Variants in PLPP7 observed in about 807,000 individuals in gnomAD.
PLPP7 encodes phospholipid phosphatase 7 (inactive).
PLPP7 carries 11 observed loss-of-function variants against 16.9 expected under a neutral mutation model. That is an observed-to-expected ratio of 0.65 (90% CI 0.41 to 1.08). The LOEUF is 1.08. Ranked by LOEUF, PLPP7 falls within the 50% of genes least tolerant of loss-of-function variation. The pLI is 0.00. For missense variants in PLPP7, 358 were observed against 397.1 expected (o/e 0.90, Z 0.84); for synonymous variants, 174 against 175.1 (o/e 0.99, Z 0.05).
At chr9:131,300,495 G>A (rs1835785476) in intron 1 of PLPP7, among the ~76,000 whole-genome samples, 2 of 151,784 alleles carry the variant, frequency 1.3e-5, no homozygotes, top group African/African-American at 4.8e-5. Context: ...GACCAGCTTG[G>A]GCAACAAACT....
chr9:131,297,578 G>T (rs1246219973), intron 1 of PLPP7, among the ~76,000 whole-genome samples: 1 of 152,022 alleles, frequency 6.6e-6, no homozygotes, highest in Non-Finnish European at 1.5e-5. Context: ...TAGAGACGGG[G>T]TTTCACCATG....
At chr9:131,301,381 G>A (rs1835796507) in intron 1 of PLPP7, among the ~76,000 whole-genome samples, 1 of 152,170 alleles carries the variant, frequency 6.6e-6, no homozygotes, top group South Asian at 2.1e-4. Context: ...TCATATTTCA[G>A]CCTACCATGG....
intron 1 of PLPP7, among the ~76,000 whole-genome samples, chr9:131,294,655 G>T (rs1029289526): frequency 1.0e-4 from 15 of 143,338 alleles, no homozygotes; most frequent in African/African-American, 4.3e-4. Flanking sequence ...GTATCTTTTT[G>T]TTTGTTTGTT....
At chr9:131,297,415 T>C (rs1305333660) in intron 1 of PLPP7, among the ~76,000 whole-genome samples, 1 of 151,656 alleles carries the variant, frequency 6.6e-6, no homozygotes, top group East Asian at 1.9e-4. Context: ...GAAGAGAGTC[T>C]TGCTCTGTCA....
chr9:131,293,763 G>C (rs898664067), intron 1 of PLPP7, among the ~76,000 whole-genome samples: 1 of 152,012 alleles, frequency 6.6e-6, no homozygotes, highest in Non-Finnish European at 1.5e-5. Flanking sequence ...GGGGCTGAGG[G>C]GGATGTGGCA....
intron 1 of PLPP7, among the ~76,000 whole-genome samples, chr9:131,293,153 C>G (rs900057580): frequency 6.6e-6 from 1 of 152,176 alleles, no homozygotes; most frequent in African/African-American, 2.4e-5. Flanking sequence ...GCCCACCATA[C>G]AGCTATAAGC....
intron 1 of PLPP7, among the ~76,000 whole-genome samples, chr9:131,294,775 A>G (rs559431445): frequency 6.6e-6 from 1 of 151,912 alleles, no homozygotes; most frequent in Non-Finnish European, 1.5e-5. Flanking sequence ...GGTTCAAGCA[A>G]TTCTCCAACA....
intron 1 of PLPP7, among the ~76,000 whole-genome samples, chr9:131,292,608 G>T (rs12005254): frequency 0.068 from 10,413 of 152,184 alleles, 1,175 homozygotes; most frequent in African/African-American, 0.23. Context: ...GAGGGAACCA[G>T]CTCAGACTGT....
intron 1 of PLPP7, among the ~76,000 whole-genome samples, chr9:131,303,488 C>CTTTTT (rs5900928): frequency 6.9e-6 from 1 of 143,922 alleles, no homozygotes; most frequent in Non-Finnish European, 1.5e-5. Context: ...TCTTCTGTGT[C>CTTTTT]TTTTTTTTTT....
At chr9:131,291,223 G>C (rs1835673085) in intron 1 of PLPP7, 1 of 1,350,128 alleles carries the variant, frequency 7.4e-7, no homozygotes, top group Non-Finnish European at 9.9e-7. Flanking sequence ...GGCACCACCA[G>C]GTCCCCAAGG....
At chr9:131,296,180 A>G (rs1349995532) in intron 1 of PLPP7, among the ~76,000 whole-genome samples, 2 of 152,128 alleles carry the variant, frequency 1.3e-5, no homozygotes, top group African/African-American at 4.8e-5. Context: ...TGGTTTTTCA[A>G]TCAGAGCCAT....
intron 1 of PLPP7, among the ~76,000 whole-genome samples, chr9:131,300,794 G>C (rs139705227): frequency 6.6e-6 from 1 of 151,530 alleles, no homozygotes; most frequent in African/African-American, 2.4e-5. Context: ...TGGGGAGGTT[G>C]AGGCACCCAG....
intron 1 of PLPP7, among the ~76,000 whole-genome samples, chr9:131,299,391 G>A (rs1835771153): frequency 6.6e-6 from 1 of 152,206 alleles, no homozygotes; most frequent in Admixed American, 6.5e-5. Flanking sequence ...AGGGCCATGT[G>A]GGCGGAATCA....
intron 1 of PLPP7, among the ~76,000 whole-genome samples, chr9:131,296,912 C>T (rs905092692): frequency 2.6e-5 from 4 of 152,240 alleles, no homozygotes; most frequent in African/African-American, 4.8e-5. Flanking sequence ...AGCCTCTCCA[C>T]GAGGCTTGTC....
intron 1 of PLPP7, among the ~76,000 whole-genome samples, chr9:131,294,046 G>A (rs1835709866): frequency 6.6e-6 from 1 of 152,164 alleles, no homozygotes. Flanking sequence ...GAAGGGTCCT[G>A]CTGGGCCTGG....
chr9:131,299,255 A>G (rs541040233), intron 1 of PLPP7, among the ~76,000 whole-genome samples: 1 of 152,140 alleles, frequency 6.6e-6, no homozygotes. Context: ...AAACGTGCAC[A>G]TAGCAGGTCC....
intron 1 of PLPP7, among the ~76,000 whole-genome samples, chr9:131,298,351 A>T (rs1835758301): frequency 6.6e-6 from 1 of 152,172 alleles, no homozygotes; most frequent in South Asian, 2.1e-4. Flanking sequence ...TTCCCAGCCC[A>T]GGAGCACTGG....
intron 1 of PLPP7, among the ~76,000 whole-genome samples, chr9:131,304,689 C>T (rs1038725181): frequency 5.9e-5 from 9 of 152,170 alleles, no homozygotes; most frequent in Admixed American, 5.9e-4. Context: ...TGGTTATGAG[C>T]CTCAGGCCAG....
chr9:131,293,711 C>A (rs1178497687), intron 1 of PLPP7, among the ~76,000 whole-genome samples: 5 of 152,232 alleles, frequency 3.3e-5, no homozygotes, highest in Non-Finnish European at 5.9e-5. Context: ...TACGCACATG[C>A]TCAAGTCAGT....
Sources: gnomAD v4.1 joint callset for allele counts (sites outside exome capture counted in the v4.1 genomes callset) on GRCh38, gnomAD v4.1.1 for gene constraint, MANE v1.5 for transcripts, NCBI Gene and HGNC (gene_info 2026-07-23, HGNC 2026-07-21) for gene names.